OPTN: variants seen among roughly 807,000 people sequenced by gnomAD.
OPTN encodes E3-14.7K-interacting protein.
Under a neutral mutation model 70.4 loss-of-function variants are expected in OPTN, and 54 were observed. That is an observed-to-expected ratio of 0.77 (90% confidence interval 0.62 to 0.96). The LOEUF is 0.96. OPTN is among the 40% of genes least tolerant of loss of function. OPTN has a pLI of 0.00. For synonymous variants in OPTN, 256 were observed against 248.5 expected (o/e 1.03, Z -0.28); for missense variants, 624 against 673.2 (o/e 0.93, Z 0.81).
intron 14 of OPTN, among the ~76,000 whole-genome samples, chr10:13,134,175 C>T (rs1337140409): frequency 6.6e-6 from 1 of 152,182 alleles, no homozygotes; most frequent in African/African-American, 2.4e-5. Flanking sequence ...CTGAATCATC[C>T]CCTTGAACTT....
rs56147136 is a variant in OPTN, at chr10:13,128,502, C to CT, written c.1401+631dup. On this transcript the variant is annotated intron_variant, in intron 12 of 14. Transcript: ENST00000378747. ...TTGTGAAGTGCCTTATCAAGCCTGC[C>CT]TTTTTTTTTTTTTTTTTTTTTTTTT... is the stretch of plus-strand genomic sequence containing the variant. Among the ~76,000 whole-genome samples, 58 of 33,368 alleles carry CT rather than the reference C, an allele frequency of 1.7e-3. 2 individuals are homozygous for CT. Among genetic ancestry groups the CT allele is most frequent in the African/African-American group, 3.4e-3 (21 of 6,124 alleles). 21.9% of individuals were successfully genotyped at this position (33,368 alleles called of 152,430 possible).
chr10:13,113,166 C>T (rs557328431), intron 5 of OPTN, among the ~76,000 whole-genome samples: 2 of 152,198 alleles, frequency 1.3e-5, no homozygotes, highest in East Asian at 3.9e-4. Context: ...GGACTACAAG[C>T]GCATGCCATC....
intron 6 of OPTN, among the ~76,000 whole-genome samples, chr10:13,117,595 G>A (rs1458757198): frequency 1.3e-5 from 2 of 151,530 alleles, no homozygotes; most frequent in South Asian, 2.1e-4. Flanking sequence ...ACAGGTGGCC[G>A]CCACCACGCC....
intron 2 of OPTN, among the ~76,000 whole-genome samples, chr10:13,108,748 G>A (rs578175826): frequency 6.6e-6 from 1 of 152,016 alleles, no homozygotes; most frequent in East Asian, 1.9e-4. Flanking sequence ...GGGTTTCACT[G>A]TGTTAGCCAG....
rs141633940 is a variant in OPTN at position 13,106,218 on chromosome 10, C to G, written c.-163-1920C>G. 9.1e-3 allele frequency among the ~76,000 whole-genome samples: 1,387 copies of G among 152,200 alleles called. 8 individuals are homozygous for G. Among genetic ancestry groups the G allele is most frequent in the Middle Eastern group, 0.027 (8 of 294 alleles). On this transcript the variant is annotated intron_variant, in intron 1 of 14. Transcript: ENST00000378747. The stretch of plus-strand genomic sequence containing the variant: ...AGGATTTTCTCTTTTAGGTCTATTA[C>G]CTAGAATTTTAGTATTCCTCTGCAA...
chr10:13,131,164 G>A (rs1412629680), intron 12 of OPTN, among the ~76,000 whole-genome samples: 1 of 152,152 alleles, frequency 6.6e-6, no homozygotes, highest in African/African-American at 2.4e-5. Flanking sequence ...TCCTCACCAT[G>A]TGGTCTCCTC....
chr10:13,121,446 G>GACA (rs1426240928), intron 7 of OPTN, among the ~76,000 whole-genome samples: 2 of 133,618 alleles, frequency 1.5e-5, no homozygotes, highest in Admixed American at 8.8e-5. Context: ...TAGTCTTGCT[G>GACA]CTTCTTTTCC....
chr10:13,113,381 A>G (rs1833051786), intron 5 of OPTN, among the ~76,000 whole-genome samples: 1 of 152,188 alleles, frequency 6.6e-6, no homozygotes, highest in Non-Finnish European at 1.5e-5. Context: ...CATTAAAAAG[A>G]AGAAGAGGAG....
At position 13,110,402 on chromosome 10, in the gene OPTN, G is replaced by T. The variant is rs776138037; in HGVS notation, c.295G>T (p.Ala99Ser). 1.5e-5 allele frequency: 24 copies of T among 1,613,992 alleles called. No individual in the cohort carries two copies. In the African/African-American group the frequency reaches 3.1e-4, roughly 21 times the overall value. ...QSKEAKERLM[A>S]LSHENEKLKE... ...CAAAGAAGCAAAAGAGCGTCTAATG[G>T]CCTTGAGTCATGAGAATGAGAAATT... Residue 99 changes from alanine to serine, a missense_variant, in exon 4 of 15, where the codon GCC (alanine) becomes TCC (serine). Coordinates refer to ENST00000378747, the MANE Select transcript of OPTN (RefSeq NM_001008212.2).
At chr10:13,127,028 A>G (rs1216580860) in intron 11 of OPTN, among the ~76,000 whole-genome samples, 2 of 152,234 alleles carry the variant, frequency 1.3e-5, no homozygotes, top group African/African-American at 4.8e-5. Context: ...TCTCTAAAAA[A>G]AGAAAACAAT....
In OPTN at chr10:13,137,313, G is replaced by C; in HGVS notation, c.*447G>C. 1 of 309,972 alleles carries C rather than the reference G, an allele frequency of 3.2e-6. No homozygotes were observed. Among genetic ancestry groups the C allele is most frequent in the Non-Finnish European group, 6.1e-6 (1 of 164,086 alleles). The allele number at this position is 309,972 out of a possible 1,614,324, so 19.2% of individuals were successfully genotyped here. A position where few individuals can be genotyped will look rare whatever the true frequency, so the allele number is the denominator to read the frequency against. On this transcript the variant is annotated 3_prime_UTR_variant, in exon 15 of 15. Transcript: ENST00000378747. ...AAAGAAAAAAAGGAAGGAAGGAGAA[G>C]GAAGGAAGGAGAAGAAAAGGTACCT... is the stretch of plus-strand genomic sequence containing the variant.
chr10:13,117,411 T>G (rs1451194689), intron 6 of OPTN, among the ~76,000 whole-genome samples: 2 of 109,666 alleles, frequency 1.8e-5, no homozygotes, highest in Non-Finnish European at 3.8e-5. Flanking sequence ...GGATAAGAGA[T>G]CCATCTTTTT....
At chr10:13,106,974 A>C (rs1444102872) in intron 1 of OPTN, among the ~76,000 whole-genome samples, 2 of 152,166 alleles carry the variant, frequency 1.3e-5, no homozygotes, top group African/African-American at 2.4e-5. Context: ...GCTCGCTTCC[A>C]AGTTCTCTCC....
intron 5 of OPTN, among the ~76,000 whole-genome samples, chr10:13,115,606 TAATA>T (rs1313842290): frequency 7.4e-6 from 1 of 135,998 alleles, no homozygotes; most frequent in Non-Finnish European, 1.5e-5. Context: ...TATATTTATA[TAATA>T]TATATTTCTA....
chr10:13,110,548 C>G, intron 4 of OPTN, 72 bp downstream of exon 4: 1 of 1,379,940 alleles, frequency 7.2e-7, no homozygotes, highest in Non-Finnish European at 1.0e-6. Flanking sequence ...TCTTACGTGT[C>G]TAGACTCCTA....
chr10:13,123,394 T>G (rs1189577303), intron 8 of OPTN, among the ~76,000 whole-genome samples: 1 of 152,214 alleles, frequency 6.6e-6, no homozygotes, highest in Non-Finnish European at 1.5e-5. Context: ...TGAATGCCTA[T>G]TGTATGTCAG....
intron 6 of OPTN, chr10:13,116,639 C>T: frequency 2.2e-6 from 1 of 451,674 alleles, no homozygotes; most frequent in African/African-American, 2.0e-5. Flanking sequence ...ATGATTTGTT[C>T]CTAATCAAAG....
intron 5 of OPTN, 103 bp downstream of exon 5, chr10:13,112,738 G>A: frequency 8.7e-7 from 1 of 1,143,834 alleles, no homozygotes; most frequent in African/African-American, 1.5e-5. Flanking sequence ...CAAGGATTGA[G>A]GAAATTCCAG....
chr10:13,101,576 T>C (rs528959262), intron 1 of OPTN, among the ~76,000 whole-genome samples: 1 of 152,278 alleles, frequency 6.6e-6, no homozygotes, highest in African/African-American at 2.4e-5. Flanking sequence ...CTTTGGAATT[T>C]ATGAAATAGA....
Sources: gnomAD v4.1 joint callset for allele counts (sites outside exome capture counted in the v4.1 genomes callset) on GRCh38, gnomAD v4.1.1 for gene constraint, MANE v1.5 for transcripts, NCBI Gene and HGNC (gene_info 2026-07-23, HGNC 2026-07-21) for gene names.